DPYD: variants seen among roughly 807,000 people sequenced by gnomAD.
DPYD encodes the protein dihydropyrimidine dehydrogenase.
A neutral mutation model predicts 116.2 loss-of-function variants in DPYD; 109 were observed. That is an observed-to-expected ratio of 0.94 (90% confidence interval 0.80 to 1.10). The LOEUF is 1.10. DPYD is among the 50% of genes least tolerant of loss of function. The pLI is 0.00. For missense variants in DPYD, 1,302 were observed against 1,254.5 expected, an observed-to-expected ratio of 1.04 and a Z score of -0.57; for synonymous variants, 440 against 432.0, an observed-to-expected ratio of 1.02 and a Z score of -0.23.
chr1:97,307,952 T>C (rs1416172779), intron 16 of DPYD, among the ~76,000 whole-genome samples: 1 of 151,876 alleles, frequency 6.6e-6, no homozygotes, highest in East Asian at 1.9e-4. Context: ...AGGTAGACTT[T>C]GACAATAATT....
In DPYD at chr1:97,380,374, T is replaced by C. The variant is rs560106822; in HGVS notation, c.1974+2019A>G. ...AAGAAAACTAACTAGATTCTAACAA[T>C]GCTACTAATTTGACACAAGCAGTAG... On this transcript the variant is annotated intron_variant, in intron 15 of 22. Transcript: ENST00000370192. 2.0e-5 allele frequency among the ~76,000 whole-genome samples: 3 copies of C among 152,304 alleles called. No individual in the cohort carries two copies. In the East Asian group the frequency reaches 5.8e-4, roughly 29 times the overall value.
rs773815814 is a variant in DPYD, at chr1:97,193,098, C to A, written c.2593G>T (p.Val865Phe). The A allele has an allele frequency of 4.3e-6, 7 of 1,614,036 alleles. No individual in the cohort carries two copies. The highest frequency in any genetic ancestry group is 5.9e-6 in the Non-Finnish European group (7 of 1,179,950). ...ATVSHQKGKP[V>F]PRIAELMDKK... ...TCCATGAGTTCAGCTATACGTGGAA[C>A]TGGTTTCCCTTTCTGGTGACTCACA... Residue 865 changes from valine (V) to phenylalanine (F), a missense_variant, in exon 20 of 23, where the codon GTT becomes TTT. Physicochemically the swap from Val to Phe is conservative, Grantham distance 50. Transcript: ENST00000370192.
intron 8 of DPYD, among the ~76,000 whole-genome samples, chr1:97,644,809 T>C (rs1450580127): frequency 6.6e-6 from 1 of 151,988 alleles, no homozygotes; most frequent in African/African-American, 2.4e-5. Flanking sequence ...TCTGGAATAA[T>C]TAATATATTC....
At chr1:97,140,397 A>G (rs1273302393) in intron 20 of DPYD, among the ~76,000 whole-genome samples, 1 of 152,102 alleles carries the variant, frequency 6.6e-6, no homozygotes, top group African/African-American at 2.4e-5. Context: ...TGAAATGCCG[A>G]AGCATAGGAA....
chr1:97,909,824 C>T (rs1025832417), intron 1 of DPYD, among the ~76,000 whole-genome samples: 45 of 152,098 alleles, frequency 3.0e-4, no homozygotes, highest in East Asian at 1.9e-4. Flanking sequence ...TCTCCAGCTA[C>T]GGCTTCTTTA....
chr1:97,175,799 A>C (rs188607600), intron 20 of DPYD, among the ~76,000 whole-genome samples: 3 of 152,284 alleles, frequency 2.0e-5, no homozygotes, highest in Non-Finnish European at 4.4e-5. Flanking sequence ...TAATTGATTC[A>C]AAAGTGGGAA....
At chr1:97,832,093 A>C (rs1669570654) in intron 2 of DPYD, among the ~76,000 whole-genome samples, 1 of 80,932 alleles carries the variant, frequency 1.2e-5, no homozygotes, top group Non-Finnish European at 2.9e-5. Flanking sequence ...GTGTGTATTA[A>C]TTATAGTAAA....
chr1:97,345,934 T>A (rs1669818392), intron 16 of DPYD, among the ~76,000 whole-genome samples: 2 of 151,938 alleles, frequency 1.3e-5, no homozygotes, highest in African/African-American at 4.8e-5. Flanking sequence ...TTGCAAGAAC[T>A]GTAAAAATAG....
chr1:97,558,577 CA>C (rs1199790121), intron 11 of DPYD, among the ~76,000 whole-genome samples: 1 of 152,098 alleles, frequency 6.6e-6, no homozygotes, highest in Non-Finnish European at 1.5e-5. Flanking sequence ...AGATAATTTT[CA>C]GTTTGAATAT....
intron 13 of DPYD, among the ~76,000 whole-genome samples, chr1:97,488,331 C>G (rs535749210): frequency 6.6e-6 from 1 of 152,062 alleles, no homozygotes; most frequent in African/African-American, 2.4e-5. Flanking sequence ...GTGAGGGTTG[C>G]TTGTGATGAT....
intron 18 of DPYD, among the ~76,000 whole-genome samples, chr1:97,261,570 G>C (rs1216080529): frequency 6.7e-6 from 1 of 148,364 alleles, no homozygotes; most frequent in African/African-American, 2.5e-5. Context: ...AAAATTCAAA[G>C]GGAAATTGTG....
chr1:97,085,405 T>G (rs1649442257), intron 21 of DPYD, among the ~76,000 whole-genome samples: 1 of 152,232 alleles, frequency 6.6e-6, no homozygotes, highest in Admixed American at 6.5e-5. Context: ...CTTTTGTCAT[T>G]TATTAAAACA....
At chr1:97,631,158 G>A (rs1657235284) in intron 8 of DPYD, among the ~76,000 whole-genome samples, 2 of 152,082 alleles carry the variant, frequency 1.3e-5, no homozygotes, top group African/African-American at 4.8e-5. Context: ...AACTGTCATT[G>A]TCTGAGCTGC....
rs538755060 is a variant in DPYD, at chr1:97,652,107, C to A, written c.850+26988G>T. On this transcript the variant is annotated intron_variant, in intron 8 of 22. Transcript: ENST00000370192. ...CAAGATGATCTTACGGATCATGAGT[C>A]ACTATATTCATTCTATAAATAGTCA... Among the ~76,000 whole-genome samples the A allele has an allele frequency of 1.2e-4, 19 of 152,026 alleles. No homozygotes were observed. The South Asian group carries it at 4.0e-3, about 32-fold the overall frequency.
intron 8 of DPYD, among the ~76,000 whole-genome samples, chr1:97,671,302 T>A (rs762654570): frequency 2.0e-4 from 31 of 152,202 alleles, no homozygotes; most frequent in Non-Finnish European, 4.0e-4. Flanking sequence ...CCTTATATCA[T>A]CATCTTCATC....
At chr1:97,364,727 G>T (rs1670933922) in intron 16 of DPYD, among the ~76,000 whole-genome samples, 1 of 152,132 alleles carries the variant, frequency 6.6e-6, no homozygotes, top group African/African-American at 2.4e-5. Context: ...GTGTTTGTCT[G>T]GGGGGTTGTA....
chr1:97,842,002 T>C (rs1441156787), intron 2 of DPYD, among the ~76,000 whole-genome samples: 1 of 151,778 alleles, frequency 6.6e-6, no homozygotes, highest in Non-Finnish European at 1.5e-5. Context: ...TTATTAAAAT[T>C]AAATAAAGAC....
At chr1:97,552,415 G>A (rs1651392536) in intron 11 of DPYD, among the ~76,000 whole-genome samples, 2 of 151,810 alleles carry the variant, frequency 1.3e-5, no homozygotes, top group African/African-American at 2.4e-5. Context: ...AAGTAGTCAG[G>A]AAATGTTACT....
intron 4 of DPYD, among the ~76,000 whole-genome samples, chr1:97,725,609 T>C (rs1181615345): frequency 6.6e-6 from 1 of 151,784 alleles, no homozygotes; most frequent in African/African-American, 2.4e-5. Flanking sequence ...TGTAGATCAA[T>C]GTGATATAAA....
Sources: gnomAD v4.1 joint callset for allele counts (sites outside exome capture counted in the v4.1 genomes callset) on GRCh38, gnomAD v4.1.1 for gene constraint, MANE v1.5 for transcripts, NCBI Gene and HGNC (gene_info 2026-07-23, HGNC 2026-07-21) for gene names.